The following MRTFB variants were observed in gnomAD, a reference collection of about 807,000 sequenced individuals.
MRTFB encodes myocardin related transcription factor B.
In MRTFB, 29 loss-of-function variants were observed where a neutral mutation model predicts 104.2. The ratio of observed to expected loss-of-function variants is 0.28; its 90% CI spans 0.21 to 0.38. The LOEUF is 0.38. MRTFB is among the 10% of genes least tolerant of loss of function. The pLI is 1.00. For missense variants in MRTFB, 1,270 were observed against 1,341.6 expected, an observed-to-expected ratio of 0.95 and a Z score of 0.83; for synonymous variants, 535 against 519.5, an observed-to-expected ratio of 1.03 and a Z score of -0.41.
At chr16:14,024,990 G>A in the MRTFB span, among the ~76,000 whole-genome samples, 3 of 152,128 alleles carry the variant, frequency 2.0e-5, 1 homozygote, top group Admixed American at 2.0e-4. Flanking sequence ...TTAATCTTTA[G>A]GCCATATAGC....
intron 2 of MRTFB, among the ~76,000 whole-genome samples, chr16:14,107,830 C>T (rs1199726017): frequency 6.6e-6 from 1 of 152,162 alleles, no homozygotes; most frequent in African/African-American, 2.4e-5. Context: ...GTGAGGTACA[C>T]CAAGGAAGAG....
the MRTFB span, among the ~76,000 whole-genome samples, chr16:14,029,199 G>T: frequency 6.6e-6 from 1 of 151,570 alleles, no homozygotes; most frequent in African/African-American, 2.4e-5. Flanking sequence ...TACTTGGGAG[G>T]CTCAGGATCC....
intron 2 of MRTFB, among the ~76,000 whole-genome samples, chr16:14,101,189 G>A (rs1358198490): frequency 6.9e-6 from 1 of 145,310 alleles, no homozygotes; most frequent in Admixed American, 7.0e-5. Flanking sequence ...CATTTCAGAT[G>A]CTGATTTGAG....
intron 2 of MRTFB, among the ~76,000 whole-genome samples, chr16:14,137,507 T>C (rs1275677136): frequency 6.6e-6 from 1 of 152,166 alleles, no homozygotes; most frequent in Non-Finnish European, 1.5e-5. Flanking sequence ...CTTTCAATTA[T>C]AAGGGCATTA....
intron 9 of MRTFB, 97 bp from the exon 10 acceptor site, chr16:14,240,140 A>G: frequency 7.2e-7 from 1 of 1,396,786 alleles, no homozygotes; most frequent in Non-Finnish European, 9.5e-7. Context: ...TATCTAAGGT[A>G]CATTTCTTTT....
intron 3 of MRTFB, among the ~76,000 whole-genome samples, chr16:14,154,644 G>C (rs2038760564): frequency 6.6e-6 from 1 of 152,174 alleles, no homozygotes; most frequent in African/African-American, 2.4e-5. Flanking sequence ...GCATGTCTTA[G>C]CTGAGTACCT....
chr16:14,228,972 T>G (rs766819831), intron 8 of MRTFB, among the ~76,000 whole-genome samples: 1 of 152,226 alleles, frequency 6.6e-6, no homozygotes, highest in Non-Finnish European at 1.5e-5. Flanking sequence ...CTTGGGAACA[T>G]GAACAAGTCT....
At chr16:14,012,618 C>T in the MRTFB span, among the ~76,000 whole-genome samples, 1 of 152,114 alleles carries the variant, frequency 6.6e-6, no homozygotes, top group African/African-American at 2.4e-5. Context: ...TTTTCATAGG[C>T]ATCATTTCCC....
rs2043789384 is a variant in MRTFB, at chr16:14,261,826, A to G, written c.*382A>G. ...ATCTCTGGTCACTTTAAGACCCTAAATAAAAGGCAGACAGCTCCACTCAAA... is the reference window on the plus strand; with the variant it reads ...ATCTCTGGTCACTTTAAGACCCTAAGTAAAAGGCAGACAGCTCCACTCAAA... On this transcript the variant is annotated 3_prime_UTR_variant, in exon 17 of 17. Coordinates refer to ENST00000571589, the MANE Select transcript of MRTFB (RefSeq NM_001308142.2). The G allele has an allele frequency of 6.2e-6, 1 of 160,488 alleles. No individual in the cohort carries two copies. Among genetic ancestry groups the G allele is most frequent in the African/African-American group, 2.4e-5 (1 of 41,612 alleles). The allele number at this position is 160,488 out of a possible 1,614,324, so 9.9% of individuals were successfully genotyped here.
chr16:14,145,980 G>A (rs904695447), intron 3 of MRTFB, among the ~76,000 whole-genome samples: 1 of 152,266 alleles, frequency 6.6e-6, no homozygotes, highest in Non-Finnish European at 1.5e-5. Context: ...TCCTGAGGTC[G>A]TGTGCAAGAC....
the MRTFB span, among the ~76,000 whole-genome samples, chr16:14,049,455 G>A: frequency 6.6e-6 from 1 of 152,208 alleles, no homozygotes; most frequent in South Asian, 2.1e-4. Context: ...GATTCTCTTT[G>A]CTAAAAAGAG....
chr16:14,230,835 T>G (rs951124279), intron 8 of MRTFB, among the ~76,000 whole-genome samples: 1 of 151,558 alleles, frequency 6.6e-6, no homozygotes, highest in African/African-American at 2.4e-5. Context: ...CATGCACACG[T>G]ATGTTTATTG....
chr16:14,156,419 T>G (rs1386049829), intron 3 of MRTFB, among the ~76,000 whole-genome samples: 1 of 152,236 alleles, frequency 6.6e-6, no homozygotes, highest in Non-Finnish European at 1.5e-5. Context: ...GTTGCTCTGC[T>G]TTTTGATCAG....
chr16:14,230,967 G>T (rs1041530840), intron 8 of MRTFB, among the ~76,000 whole-genome samples: 1 of 151,520 alleles, frequency 6.6e-6, no homozygotes, highest in African/African-American at 2.4e-5. Context: ...AAAATGATGA[G>T]TTCATGTCCT....
At chr16:14,201,755 G>A (rs1265760986) in intron 3 of MRTFB, among the ~76,000 whole-genome samples, 3 of 152,244 alleles carry the variant, frequency 2.0e-5, no homozygotes, top group African/African-American at 7.2e-5. Context: ...GTCATAATGA[G>A]AATAATCATT....
At chr16:14,166,213 T>C (rs2039232261) in intron 3 of MRTFB, among the ~76,000 whole-genome samples, 1 of 137,876 alleles carries the variant, frequency 7.3e-6, no homozygotes, top group South Asian at 2.3e-4. Context: ...GTGGGTTTTC[T>C]TTTCTTTTTT....
At position 14,177,766 on chromosome 16, in the gene MRTFB, C is replaced by T. The variant is rs1056617915; in HGVS notation, c.155-32477C>T. On this transcript the variant is annotated intron_variant, in intron 3 of 16. Coordinates refer to ENST00000571589, the MANE Select transcript of MRTFB (RefSeq NM_001308142.2). The surrounding 1 kb of genome is among the most constrained non-coding windows in gnomAD (Gnocchi z 4.7). Reference sequence around the variant, plus strand: ...TCAGCCCAGGAGGTCGAGGCTGCAGCGAGTAATAATTGCACCACTGTACTC... The same window carrying T: ...TCAGCCCAGGAGGTCGAGGCTGCAGTGAGTAATAATTGCACCACTGTACTC... 2.0e-5 allele frequency among the ~76,000 whole-genome samples: 3 copies of T among 151,216 alleles called. No homozygotes were observed. The highest frequency in any genetic ancestry group is 7.3e-5 in the African/African-American group (3 of 41,038).
chr16:14,218,003 C>T (rs765625736), intron 7 of MRTFB, among the ~76,000 whole-genome samples: 2 of 152,222 alleles, frequency 1.3e-5, no homozygotes, highest in South Asian at 2.1e-4. Context: ...AAAGTGGGAG[C>T]GTATCAACAT....
intron 9 of MRTFB, among the ~76,000 whole-genome samples, chr16:14,239,749 G>T (rs1759474372): frequency 6.6e-6 from 1 of 151,982 alleles, no homozygotes; most frequent in Non-Finnish European, 1.5e-5. Flanking sequence ...TTCAGTATTT[G>T]TTTTTGTATT....
Sources: gnomAD v4.1 joint callset for allele counts (sites outside exome capture counted in the v4.1 genomes callset) on GRCh38, gnomAD v4.1.1 for gene constraint, Gnocchi (gnomAD v3.1) non-coding constraint, MANE v1.5 for transcripts, NCBI Gene and HGNC (gene_info 2026-07-23, HGNC 2026-07-21) for gene names.